Variants in ATP8A1 observed in about 807,000 individuals in gnomAD.
ATP8A1 encodes the protein phospholipid-transporting ATPase IA.
In ATP8A1, 90 loss-of-function variants were observed where a neutral mutation model predicts 177.7. The ratio of observed to expected loss-of-function variants is 0.51; its 90% confidence interval spans 0.43 to 0.60. The LOEUF is 0.60. Among genes scored for constraint, ATP8A1 ranks in the 20% least tolerant of loss-of-function variants. The pLI, the probability that ATP8A1 is intolerant of heterozygous loss-of-function variation, is 0.00. For missense variants in ATP8A1, 1,072 were observed against 1,392.8 expected, an observed-to-expected ratio of 0.77 and a Z score of 3.67; for synonymous variants, 493 against 485.9, an observed-to-expected ratio of 1.01 and a Z score of -0.19.
intron 27 of ATP8A1, among the ~76,000 whole-genome samples, chr4:42,461,319 T>C (rs1014098755): frequency 2.0e-5 from 3 of 150,956 alleles, no homozygotes; most frequent in Non-Finnish European, 4.4e-5. Context: ...ATGGTTTGGC[T>C]GTGTCCCCAG....
In ATP8A1 at chr4:42,599,509, T is replaced by C. The variant is rs185038237; in HGVS notation, c.450+969A>G. Among the ~76,000 whole-genome samples, 303 of 152,238 alleles carry C rather than the reference T, an allele frequency of 2.0e-3. 2 individuals are homozygous for C. Among genetic ancestry groups the C allele is most frequent in the Non-Finnish European group, 3.4e-3 (228 of 68,000 alleles). On this transcript the variant is annotated intron_variant, in intron 6 of 36. Transcript: ENST00000381668. ...AAAAATAGGGGTAAATTTTCAACTA[T>C]ATGAAAGAGGAGATGTCAGTCTCTA...
intron 7 of ATP8A1, 58 bp downstream of exon 7, chr4:42,590,753 C>A: frequency 6.6e-7 from 1 of 1,525,644 alleles, no homozygotes; most frequent in South Asian, 1.2e-5. Context: ...TGCAACTGTT[C>A]TCCGGTTTAC....
intron 1 of ATP8A1, among the ~76,000 whole-genome samples, chr4:42,641,652 T>C (rs537627081): frequency 4.6e-5 from 7 of 152,204 alleles, no homozygotes; most frequent in African/African-American, 1.4e-4. Context: ...TTGACTTCAG[T>C]AGCAGTGTGT....
chr4:42,484,250 TAAGCA>T (rs1419769076), intron 25 of ATP8A1, among the ~76,000 whole-genome samples: 1 of 152,196 alleles, frequency 6.6e-6, no homozygotes, highest in Non-Finnish European at 1.5e-5. Context: ...TCTTTATGAT[TAAGCA>T]AAGAGCCGGA....
intron 22 of ATP8A1, among the ~76,000 whole-genome samples, chr4:42,507,809 A>AAAG (rs1477576809): frequency 1.4e-5 from 2 of 139,374 alleles, no homozygotes; most frequent in Non-Finnish European, 3.0e-5. Context: ...AAAAAAAAAA[A>AAAG]CATACAAACA....
intron 24 of ATP8A1, among the ~76,000 whole-genome samples, chr4:42,495,114 T>C (rs1232586688): frequency 6.6e-6 from 1 of 152,258 alleles, no homozygotes; most frequent in Non-Finnish European, 1.5e-5. Context: ...CTCCACCTCA[T>C]CATCATTTAA....
In ATP8A1 at chr4:42,409,448, TA is replaced by T. The variant is rs1352136994; in HGVS notation, c.*3467del. The T allele has an allele frequency of 2.0e-5, 3 of 152,128 alleles. No homozygotes were observed. The highest frequency in any genetic ancestry group is 2.9e-5 in the Non-Finnish European group (2 of 67,990). 9.4% of individuals were successfully genotyped at this position (152,128 alleles called of 1,614,324 possible). On this transcript the variant is annotated 3_prime_UTR_variant, in exon 37 of 37. Coordinates refer to ENST00000381668, the MANE Select transcript of ATP8A1 (RefSeq NM_006095.2). ...GAGTCATTATAGAAATGTTCATCAT[TA>T]AAAAGCATTTATTAGGCACTGAACT...
At chr4:42,441,451 T>C (rs983747798) in intron 33 of ATP8A1, among the ~76,000 whole-genome samples, 1 of 152,194 alleles carries the variant, frequency 6.6e-6, no homozygotes, top group African/African-American at 2.4e-5. Flanking sequence ...TGAAATTAAC[T>C]GAGTTGTAAT....
Position 42,455,390 on chromosome 4 carries a change from A to G in ATP8A1, c.2724T>C (p.Leu908=). ...TTCTGCATGATCTCTCAAATATTCC[A>G]AGAGTTAAAGGAGGCATTGCTGTAA... The part of the protein sequence containing the change: ...VMFTAMPPLT[L]GIFERSCRKE... The change falls in exon 29 of 37, where the codon CTT becomes CTC. Residue 908 remains leucine (L), a synonymous_variant. Transcript: ENST00000381668. 1 of 1,613,934 alleles carries G rather than the reference A, an allele frequency of 6.2e-7. No individual in the cohort carries two copies. Among genetic ancestry groups the G allele is most frequent in the South Asian group, 1.1e-5 (1 of 91,072 alleles).
In ATP8A1 at chr4:42,459,051, T is replaced by C. The variant is rs150603319; in HGVS notation, c.2620-3452A>G. 5.8e-3 allele frequency among the ~76,000 whole-genome samples: 890 copies of C among 152,360 alleles called. 22 individuals are homozygous for C. The highest frequency in any genetic ancestry group is 0.043 in the Admixed American group (661 of 15,304). On this transcript the variant is annotated intron_variant, in intron 27 of 36. Transcript: ENST00000381668. Reference sequence around the variant, plus strand: ...TGTTTTAGCTGGCAAAAGTTGGGTATCTGGGAATTGATTTAAAAGGTCATT... The same window carrying C: ...TGTTTTAGCTGGCAAAAGTTGGGTACCTGGGAATTGATTTAAAAGGTCATT...
chr4:42,471,031 A>G (rs1005440576), intron 25 of ATP8A1, among the ~76,000 whole-genome samples: 3 of 152,226 alleles, frequency 2.0e-5, no homozygotes, highest in African/African-American at 7.2e-5. Flanking sequence ...AGGTTCATTT[A>G]TAAAATTTCA....
At chr4:42,467,275 G>C (rs774590672) in intron 25 of ATP8A1, among the ~76,000 whole-genome samples, 8 of 152,206 alleles carry the variant, frequency 5.3e-5, no homozygotes, top group Non-Finnish European at 1.0e-4. Context: ...AGGTGTTAAA[G>C]AGTAGGATTG....
rs756498988 is a variant in ATP8A1, at chr4:42,586,460, G to A, written c.611C>T (p.Ser204Leu). Reference sequence around the variant, plus strand: ...CAAACTGTCAACGTCTTTGATATCTGATGTTGCTGGTAAGCCCTGTTTGGA... The same window carrying A: ...CAAACTGTCAACGTCTTTGATATCTAATGTTGCTGGTAAGCCCTGTTTGGA... The part of the protein sequence containing the change: ...LKIRQGLPAT[S>L]DIKDVDSLMR... The change falls in exon 9 of 37, where the codon TCA becomes TTA. Residue 204 changes from serine to leucine, a missense_variant. By Grantham distance (145) the Ser-to-Leu change is moderately radical (BLOSUM62 -2). Transcript: ENST00000381668. 6.2e-7 allele frequency: 1 copy of A among 1,613,998 alleles called. No homozygotes were observed. The highest frequency in any genetic ancestry group is 2.2e-5 in the East Asian group (1 of 44,854).
chr4:42,575,048 T>C lies in ATP8A1; in HGVS notation c.1207-341A>G, dbSNP rs41265695. 7.3e-3 allele frequency among the ~76,000 whole-genome samples: 1,109 copies of C among 152,330 alleles called. 7 individuals are homozygous for C. The highest frequency in any genetic ancestry group is 0.011 in the Non-Finnish European group (771 of 68,014). ...CAGCATTTCTCAATGCAACAGGCAA[T>C]TGTAGAATTTGTAACAGCTTGCGCA... On this transcript the variant is annotated intron_variant, in intron 13 of 36. Transcript: ENST00000381668.
At chr4:42,587,297 C>CTTCTT (rs201071667) in intron 8 of ATP8A1, among the ~76,000 whole-genome samples, 37 of 150,068 alleles carry the variant, frequency 2.5e-4, no homozygotes, top group African/African-American at 7.9e-4. Flanking sequence ...TGTTGTACAG[C>CTTCTT]TTCTTTTCTT....
intron 6 of ATP8A1, among the ~76,000 whole-genome samples, chr4:42,594,977 G>T (rs140650229): frequency 8.5e-5 from 13 of 152,126 alleles, no homozygotes; most frequent in Non-Finnish European, 1.8e-4. Context: ...TTCTGAGCCT[G>T]GCATAAAGAT....
At chr4:42,574,732 T>G in intron 13 of ATP8A1, 25 bp from the exon 14 acceptor site, 1 of 1,531,314 alleles carries the variant, frequency 6.5e-7, no homozygotes, top group Non-Finnish European at 8.9e-7. Context: ...AATTTCTCAT[T>G]AATATTTTGA....
At chr4:42,506,707 G>T (rs1277227365) in intron 23 of ATP8A1, among the ~76,000 whole-genome samples, 1 of 152,174 alleles carries the variant, frequency 6.6e-6, no homozygotes, top group Non-Finnish European at 1.5e-5. Context: ...AAAACATGGG[G>T]ATTAACATAG....
chr4:42,489,214 A>G (rs1722503499), intron 24 of ATP8A1, among the ~76,000 whole-genome samples: 1 of 152,228 alleles, frequency 6.6e-6, no homozygotes, highest in African/African-American at 2.4e-5. Flanking sequence ...GAAACCTGAG[A>G]CGGACCTCAG....
Sources: gnomAD v4.1 joint callset for allele counts (sites outside exome capture counted in the v4.1 genomes callset) on GRCh38, gnomAD v4.1.1 for gene constraint, MANE v1.5 for transcripts, NCBI Gene and HGNC (gene_info 2026-07-23, HGNC 2026-07-21) for gene names.